ANKEF1: variants seen among roughly 807,000 people sequenced by gnomAD.
The protein encoded by ANKEF1 is ankyrin repeat and EF-hand domain-containing protein 1.
In ANKEF1, 43 loss-of-function variants were observed where a neutral mutation model predicts 65.1. That is an observed-to-expected ratio of 0.66 (90% CI 0.52 to 0.85). ANKEF1 has a LOEUF of 0.85. ANKEF1 is among the 40% of genes least tolerant of loss of function. The pLI is 0.00. For synonymous variants in ANKEF1, 316 were observed against 341.5 expected (o/e 0.93, Z 0.82); for missense variants, 934 against 952.9 (o/e 0.98, Z 0.26).
rs1317311463 is a variant in ANKEF1, at chr20:10,057,199, T to G, written c.*1539T>G. 1 of 152,172 alleles carries G rather than the reference T, an allele frequency of 6.6e-6. No individual in the cohort carries two copies. Among genetic ancestry groups the G allele is most frequent in the Non-Finnish European group, 1.5e-5 (1 of 68,084 alleles). The allele number at this position is 152,172 out of a possible 1,614,324, so 9.4% of individuals were successfully genotyped here. A position where few individuals can be genotyped will look rare whatever the true frequency, so the allele number is the denominator to read the frequency against. On this transcript the variant is annotated 3_prime_UTR_variant, in exon 11 of 11. Transcript: ENST00000378392. ...TAACCTCCTCCCTCTCTTTCCAACC[T>G]TGGAGGGACCTTCCACAGGAGCCAG...
At position 10,038,434 on chromosome 20, in the gene ANKEF1, C is replaced by T; in HGVS notation, c.133C>T (p.Pro45Ser). The change falls in exon 3 of 11, where the codon CCC (proline) becomes TCC (serine). Residue 45 changes from proline (P) to serine (S), a missense_variant. Physicochemically the swap from Pro to Ser is moderately conservative, Grantham distance 74. Coordinates refer to ENST00000378392, the MANE Select transcript of ANKEF1 (RefSeq NM_022096.6). Reference protein sequence around the residue: ...GYPELINYTEPINGLSALHLA... With the variant: ...GYPELINYTESINGLSALHLA... ...CCCTGAACTAATCAATTATACAGAA[C>T]CCATTAATGGACTTAGTGCTTTGCA... The T allele has an allele frequency of 1.2e-6, 2 of 1,614,126 alleles. No individual in the cohort carries two copies. Among genetic ancestry groups the T allele is most frequent in the Non-Finnish European group, 8.5e-7 (1 of 1,180,002 alleles).
chr20:10,036,046 G>A (rs1273010809), intron 2 of ANKEF1, among the ~76,000 whole-genome samples: 2 of 152,198 alleles, frequency 1.3e-5, no homozygotes, highest in Non-Finnish European at 2.9e-5. Context: ...GGACCCAAGG[G>A]CTACACTTGT....
At position 10,044,458 on chromosome 20, in the gene ANKEF1, TA is replaced by T; in HGVS notation, c.612del (p.Leu205TrpfsTer7). 1 of 1,614,076 alleles carries T rather than the reference TA, an allele frequency of 6.2e-7. No homozygotes were observed. Among genetic ancestry groups the T allele is most frequent in the Non-Finnish European group, 8.5e-7 (1 of 1,179,986 alleles). ...REGVVEIVRG[I>X]LERGGEVNAF... ...GGGGTAGTGGAAATAGTTCGAGGCA[TA>T]TTGGAAAGAGGAGGTGAAGTGAATG... On this transcript the variant is annotated frameshift_variant, in exon 5 of 11. Transcript: ENST00000378392. LOFTEE classifies it high-confidence loss of function.
Position 10,045,629 on chromosome 20 carries a change from G to A in ANKEF1, c.752G>A (p.Gly251Glu), listed in dbSNP as rs773921192. ...GACGTGGGGCTGATTTCGATAAATG[G>A]GAACACACCACTTCATTATGCTGCC... ...NGDVGLISINGNTPLHYAAMG... is the reference protein window; with the variant it reads ...NGDVGLISINENTPLHYAAMG... Residue 251 changes from glycine to glutamate, a missense_variant, in exon 6 of 11, where the codon GGG becomes GAG. Physicochemically the swap from Gly to Glu is moderately conservative, Grantham distance 98. Coordinates refer to ENST00000378392, the MANE Select transcript of ANKEF1 (RefSeq NM_022096.6). 2 of 1,613,714 alleles carry A rather than the reference G, an allele frequency of 1.2e-6. No individual in the cohort carries two copies. The highest frequency in any genetic ancestry group is 1.7e-6 in the Non-Finnish European group (2 of 1,179,786).
At position 10,051,875 on chromosome 20, in the gene ANKEF1, T is replaced by G; in HGVS notation, c.1856T>G (p.Leu619Arg). The G allele has an allele frequency of 6.2e-7, 1 of 1,609,918 alleles. No homozygotes were observed. Among genetic ancestry groups the G allele is most frequent in the Non-Finnish European group, 8.5e-7 (1 of 1,178,304 alleles). ...YLLDIGAKFQ[L>R]ENRKGHSAMD... Reference sequence around the variant, plus strand: ...CTTGATATTGGTGCTAAATTCCAGCTGGAAAATAGAAAAGGTATGCGTTCA... The same window carrying G: ...CTTGATATTGGTGCTAAATTCCAGCGGGAAAATAGAAAAGGTATGCGTTCA... The change falls in exon 8 of 11, where the codon CTG (leucine) becomes CGG (arginine). Residue 619 changes from leucine to arginine, a missense_variant. Coordinates refer to ENST00000378392, the MANE Select transcript of ANKEF1 (RefSeq NM_022096.6).
intron 6 of ANKEF1, among the ~76,000 whole-genome samples, chr20:10,046,090 G>C (rs1224547949): frequency 6.6e-6 from 1 of 151,998 alleles, no homozygotes; most frequent in Admixed American, 6.6e-5. Flanking sequence ...GGCCAACAAG[G>C]CAAAACCGCG....
intron 8 of ANKEF1, among the ~76,000 whole-genome samples, chr20:10,052,475 C>T (rs1984918554): frequency 6.6e-6 from 1 of 152,142 alleles, no homozygotes; most frequent in Non-Finnish European, 1.5e-5. Context: ...ATCATAAATA[C>T]CATACAGGAA....
intron 3 of ANKEF1, among the ~76,000 whole-genome samples, chr20:10,041,394 T>G (rs920374697): frequency 2.0e-5 from 3 of 152,050 alleles, no homozygotes; most frequent in African/African-American, 7.2e-5. Context: ...CATTGATTCT[T>G]TACTCTGTTT....
chr20:10,038,375 A>G lies in ANKEF1; in HGVS notation c.74A>G (p.Lys25Arg). ...CTTCAATGTGTGCGGAACAAAGACA[A>G]GAAGCAGATAGAGAAGCTGACCAAG... ...KVLQCVRNKD[K>R]KQIEKLTKLG... is the part of the protein sequence containing the mutation. The change falls in exon 3 of 11, where the codon AAG (lysine) becomes AGG (arginine). Residue 25 changes from lysine (K) to arginine (R), a missense_variant. Physicochemically the swap from Lys to Arg is conservative, Grantham distance 26 (BLOSUM62 2). Transcript: ENST00000378392. 1 of 1,613,604 alleles carries G rather than the reference A, an allele frequency of 6.2e-7. No individual in the cohort carries two copies. Among genetic ancestry groups the G allele is most frequent in the Non-Finnish European group, 8.5e-7 (1 of 1,179,568 alleles).
rs1438786336 is a variant in ANKEF1, at chr20:10,051,684, T to A, written c.1665T>A (p.Asp555Glu). 1 of 1,613,374 alleles carries A rather than the reference T, an allele frequency of 6.2e-7. No individual in the cohort carries two copies. ...LEKGANVNAT[D>E]NFLWTPLHFA... Reference sequence around the variant, plus strand: ...ACAGAGCTAACGTTAATGCAACAGATAACTTTCTGTGGACTCCACTTCATT... The same window carrying A: ...ACAGAGCTAACGTTAATGCAACAGAAAACTTTCTGTGGACTCCACTTCATT... The change falls in exon 8 of 11, where the codon GAT (aspartate) becomes GAA (glutamate). Residue 555 changes from aspartate to glutamate, a missense_variant. Transcript: ENST00000378392.
chr20:10,055,925 G>A lies in ANKEF1; in HGVS notation c.*265G>A, dbSNP rs372228235. On this transcript the variant is annotated 3_prime_UTR_variant, in exon 11 of 11. Coordinates refer to ENST00000378392, the MANE Select transcript of ANKEF1 (RefSeq NM_022096.6). ...AATACATGGCATGTGGGTTATAAACGTTGCTGTCAAAAGATTTACCAGGTC... is the reference window on the plus strand; with the variant it reads ...AATACATGGCATGTGGGTTATAAACATTGCTGTCAAAAGATTTACCAGGTC... 9 of 366,104 alleles carry A rather than the reference G, an allele frequency of 2.5e-5. No individual in the cohort carries two copies. The highest frequency in any genetic ancestry group is 7.7e-5 in the Admixed American group (2 of 25,854). 22.7% of individuals were successfully genotyped at this position (366,104 alleles called of 1,614,324 possible). A position where few individuals can be genotyped will look rare whatever the true frequency, so the allele number is the denominator to read the frequency against.
Position 10,055,487 on chromosome 20 carries a change from A to G in ANKEF1, c.2173-15A>G. ...TACTCATACCTGCTGGGGTATGGCT[A>G]TTTTTCTTTTTAAGATTTGGAGTCC... On this transcript the variant is annotated splice_polypyrimidine_tract_variant and intron_variant, in intron 10 of 10. Transcript: ENST00000378392. 6.2e-7 allele frequency: 1 copy of G among 1,612,690 alleles called. No homozygotes were observed. The highest frequency in any genetic ancestry group is 8.5e-7 in the Non-Finnish European group (1 of 1,179,178).
chr20:10,055,553 C>T lies in ANKEF1; in HGVS notation c.2224C>T (p.Arg742Trp), dbSNP rs139719301. Reference sequence around the variant, plus strand: ...AGAGCTGATCAGGAAGAGGGAACTACGGCGAGAGAGGTTTACACATGAGGT... The same window carrying T: ...AGAGCTGATCAGGAAGAGGGAACTATGGCGAGAGAGGTTTACACATGAGGT... ...TAELIRKREL[R>W]RERFTHEVDF... Residue 742 changes from arginine (R) to tryptophan (W), a missense_variant, in exon 11 of 11, where the codon CGG (arginine) becomes TGG (tryptophan). By Grantham distance (101) the Arg-to-Trp change is moderately radical (BLOSUM62 -3). Transcript: ENST00000378392. 5.1e-5 allele frequency: 83 copies of T among 1,613,714 alleles called. No homozygotes were observed. The South Asian group carries it at 5.9e-4, about 12-fold the overall frequency.
chr20:10,043,201 C>T lies in ANKEF1; in HGVS notation c.426C>T (p.Val142=). The T allele has an allele frequency of 6.2e-7, 1 of 1,614,088 alleles. No individual in the cohort carries two copies. Among genetic ancestry groups the T allele is most frequent in the Non-Finnish European group, 8.5e-7 (1 of 1,180,024 alleles). Residue 142 remains valine (V), a synonymous_variant, in exon 4 of 11, where the codon GTC becomes GTT. Transcript: ENST00000378392. The stretch of plus-strand genomic sequence containing the variant: ...TCGCCCTTGAACATGGTGCAGATGT[C>T]AACAATTCTACCTATGAAGGAAAGC... The part of the protein sequence containing the change: ...ALIALEHGAD[V]NNSTYEGKPI...
intron 9 of ANKEF1, 58 bp downstream of exon 9, chr20:10,053,333 G>T: frequency 1.3e-6 from 2 of 1,499,900 alleles, no homozygotes; most frequent in South Asian, 1.3e-5. Flanking sequence ...ATCTGTTTGG[G>T]GGAAGGCAGA....
Position 10,038,579 on chromosome 20 carries a change from A to G in ANKEF1, c.278A>G (p.His93Arg). The G allele has an allele frequency of 6.2e-7, 1 of 1,614,172 alleles. No individual in the cohort carries two copies. Among genetic ancestry groups the G allele is most frequent in the Non-Finnish European group, 8.5e-7 (1 of 1,180,002 alleles). Residue 93 changes from histidine to arginine, a missense_variant, in exon 3 of 11, where the codon CAT (histidine) becomes CGT (arginine). Physicochemically the swap from His to Arg is conservative, Grantham distance 29 (BLOSUM62 0). Coordinates refer to ENST00000378392, the MANE Select transcript of ANKEF1 (RefSeq NM_022096.6). ...ACAATGAGGGCTGCAGAACTGGGCC[A>G]TGAATTGTCAATGGAAATATTAGCA... Reference protein sequence around the residue: ...TPTMRAAELGHELSMEILAKA... With the variant: ...TPTMRAAELGRELSMEILAKA...
rs369966784 is a variant in ANKEF1 at position 10,043,113 on chromosome 20, T to C, written c.347-9T>C. The C allele has an allele frequency of 3.3e-5, 53 of 1,613,010 alleles. 1 individual carries two copies. The African/African-American group carries it at 5.7e-4, about 17-fold the overall frequency. On this transcript the variant is annotated splice_polypyrimidine_tract_variant and intron_variant, in intron 3 of 10. Coordinates refer to ENST00000378392, the MANE Select transcript of ANKEF1 (RefSeq NM_022096.6). ...TTAAATACTCTCTGGGGATTTTATT[T>C]CTCTGCAGGTGTTTTGTTTTACTGC...
chr20:10,036,561 G>A (rs1039724170), intron 2 of ANKEF1, among the ~76,000 whole-genome samples: 2 of 152,226 alleles, frequency 1.3e-5, no homozygotes, highest in African/African-American at 4.8e-5. Flanking sequence ...GGCAAAGGAG[G>A]CCTGGCCCGG....
chr20:10,038,263 G>A lies in ANKEF1; in HGVS notation c.-39G>A. On this transcript the variant is annotated 5_prime_UTR_variant, in exon 3 of 11. Coordinates refer to ENST00000378392, the MANE Select transcript of ANKEF1 (RefSeq NM_022096.6). ...TTTCTTTTTTGTTGCTTCAGCTTTAGTTTTGGTCCAGAAAGCATTTTCAAG... is the reference window on the plus strand; with the variant it reads ...TTTCTTTTTTGTTGCTTCAGCTTTAATTTTGGTCCAGAAAGCATTTTCAAG... 7.5e-7 allele frequency: 1 copy of A among 1,338,516 alleles called. No individual in the cohort carries two copies. The highest frequency in any genetic ancestry group is 9.9e-7 in the Non-Finnish European group (1 of 1,014,370). 82.9% of individuals were successfully genotyped at this position (1,338,516 alleles called of 1,614,324 possible). A position where few individuals can be genotyped will look rare whatever the true frequency, so the allele number is the denominator to read the frequency against.
Sources: gnomAD v4.1 joint callset for allele counts (sites outside exome capture counted in the v4.1 genomes callset) on GRCh38, gnomAD v4.1.1 for gene constraint, MANE v1.5 for transcripts, NCBI Gene and HGNC (gene_info 2026-07-23, HGNC 2026-07-21) for gene names.